MSRA: variants seen among roughly 807,000 people sequenced by gnomAD.
MSRA encodes the protein methionine sulfoxide reductase A, also known as mitochondrial peptide methionine sulfoxide reductase.
A neutral mutation model predicts 31.3 loss-of-function variants in MSRA; 54 were observed. The ratio of observed to expected loss-of-function variants is 1.73; its 90% confidence interval spans 1.39 to 2.17. MSRA has a LOEUF of 2.17. Among genes scored for constraint, MSRA ranks in the 30% most tolerant of loss-of-function variants. The probability of loss-of-function intolerance (pLI) is 0.00; values close to 1 mark genes in which losing one functional copy is unlikely to be tolerated. For missense variants in MSRA, 507 were observed against 300.9 expected, an observed-to-expected ratio of 1.69 and a Z score of -5.07; for synonymous variants, 169 against 116.5, an observed-to-expected ratio of 1.45 and a Z score of -2.90.
At position 10,210,492 on chromosome 8, in the gene MSRA, C is replaced by A. The variant is rs146176936; in HGVS notation, c.211+2591C>A. Among the ~76,000 whole-genome samples the A allele has an allele frequency of 7.9e-5, 12 of 152,298 alleles. No individual in the cohort carries two copies. The East Asian group carries it at 2.3e-3, about 29-fold the overall frequency. ...TACTTGCATGCCTTCCCGGAGTGCT[C>A]TGAAGGAGTCTTGAGAAGTAGCCTT... On this transcript the variant is annotated intron_variant, in intron 2 of 5. Coordinates refer to ENST00000317173, the MANE Select transcript of MSRA (RefSeq NM_012331.5).
At chr8:10,198,429 A>G (rs914408495) in intron 1 of MSRA, among the ~76,000 whole-genome samples, 11 of 152,124 alleles carry the variant, frequency 7.2e-5, no homozygotes, top group Non-Finnish European at 1.6e-4. Flanking sequence ...ACCATATAAT[A>G]CTGTATCTTA....
At chr8:10,298,287 G>A (rs1800651274) in intron 3 of MSRA, among the ~76,000 whole-genome samples, 1 of 152,166 alleles carries the variant, frequency 6.6e-6, no homozygotes, top group South Asian at 2.1e-4. Context: ...ATATTATTCA[G>A]CCCTAAAAAG....
chr8:10,263,151 G>A (rs568655279), intron 3 of MSRA, among the ~76,000 whole-genome samples: 1 of 152,196 alleles, frequency 6.6e-6, no homozygotes, highest in Non-Finnish European at 1.5e-5. Context: ...TATAAAACCA[G>A]CATTAGGTTG....
chr8:10,057,743 C>CT (rs1300270327), intron 1 of MSRA, among the ~76,000 whole-genome samples: 1 of 152,132 alleles, frequency 6.6e-6, no homozygotes, highest in Non-Finnish European at 1.5e-5. Context: ...TCTCCTGCTC[C>CT]TTTGTGTGGA....
intron 3 of MSRA, among the ~76,000 whole-genome samples, chr8:10,249,606 C>G (rs1349209947): frequency 6.6e-6 from 1 of 152,196 alleles, no homozygotes; most frequent in Non-Finnish European, 1.5e-5. Flanking sequence ...GGCCTGAATT[C>G]TAACCCCTCT....
At chr8:10,075,971 G>A (rs1427954074) in intron 1 of MSRA, among the ~76,000 whole-genome samples, 13 of 152,104 alleles carry the variant, frequency 8.5e-5, no homozygotes, top group South Asian at 4.1e-4. Flanking sequence ...GATGTCTGCC[G>A]CCTCAGTATA....
At chr8:10,209,783 C>T (rs1809315448) in intron 2 of MSRA, among the ~76,000 whole-genome samples, 1 of 152,156 alleles carries the variant, frequency 6.6e-6, no homozygotes, top group African/African-American at 2.4e-5. Context: ...AGGGGGCAGC[C>T]CCTGGGAGGC....
At chr8:10,357,030 C>T (rs1292373172) in intron 5 of MSRA, among the ~76,000 whole-genome samples, 3 of 151,834 alleles carry the variant, frequency 2.0e-5, no homozygotes, top group African/African-American at 7.3e-5. Flanking sequence ...GTTCCTCTGT[C>T]TTTTGTATTT....
At chr8:10,066,618 C>T (rs182565699) in intron 1 of MSRA, among the ~76,000 whole-genome samples, 69 of 152,348 alleles carry the variant, frequency 4.5e-4, no homozygotes, top group African/African-American at 1.7e-3. Flanking sequence ...ACTGCAACCT[C>T]TGCCTCCCAG....
At chr8:10,142,103 C>A (rs1170299410) in intron 1 of MSRA, among the ~76,000 whole-genome samples, 1 of 152,178 alleles carries the variant, frequency 6.6e-6, no homozygotes, top group Non-Finnish European at 1.5e-5. Flanking sequence ...GGATTACAGG[C>A]CTTTGCCACC....
chr8:10,235,821 A>AG (rs1288889785), intron 2 of MSRA, among the ~76,000 whole-genome samples: 1 of 152,188 alleles, frequency 6.6e-6, no homozygotes, highest in African/African-American at 2.4e-5. Context: ...AGGCCAGTAT[A>AG]ACCTTGATAC....
At chr8:10,269,075 C>T (rs900800107) in intron 3 of MSRA, among the ~76,000 whole-genome samples, 1 of 152,194 alleles carries the variant, frequency 6.6e-6, no homozygotes, top group African/African-American at 2.4e-5. Context: ...TTCTCCAACG[C>T]CTTTATTGGC....
chr8:10,203,765 G>A (rs991564870), intron 1 of MSRA, among the ~76,000 whole-genome samples: 1 of 152,194 alleles, frequency 6.6e-6, no homozygotes, highest in African/African-American at 2.4e-5. Flanking sequence ...CCTGAGGCAG[G>A]TACTTCAGGA....
intron 1 of MSRA, among the ~76,000 whole-genome samples, chr8:10,114,836 T>A (rs1020928493): frequency 2.6e-5 from 4 of 152,200 alleles, no homozygotes; most frequent in African/African-American, 7.2e-5. Flanking sequence ...AAATGTAATA[T>A]AATTCTAGCA....
At chr8:10,055,171 G>GAA (rs33918720) in intron 1 of MSRA, among the ~76,000 whole-genome samples, 2 of 216 alleles carry the variant, frequency 9.3e-3, no homozygotes, top group South Asian at 0.5. Context: ...TGTTCTGGCT[G>GAA]AGTCACCCCT....
rs1343958419 is a variant in MSRA at position 10,285,633 on chromosome 8, T to C, written c.332-15901T>C. ...TATTTTGTACCTGTTAACCAGTCTC[T>C]CCCTATATCCCCTTCCCCCCACTCC... On this transcript the variant is annotated intron_variant, in intron 3 of 5. Transcript: ENST00000317173. Among the ~76,000 whole-genome samples, 3 of 152,000 alleles carry C rather than the reference T, an allele frequency of 2.0e-5. No individual in the cohort carries two copies. In the East Asian group the frequency reaches 5.8e-4, roughly 29 times the overall value.
chr8:10,396,390 C>T (rs111992314), intron 5 of MSRA, among the ~76,000 whole-genome samples: 78 of 152,200 alleles, frequency 5.1e-4, no homozygotes, highest in Middle Eastern at 3.4e-3. Context: ...TGGGGGGCTT[C>T]GGTATGATAA....
chr8:10,362,620 C>T (rs1804917167), intron 5 of MSRA, among the ~76,000 whole-genome samples: 1 of 152,008 alleles, frequency 6.6e-6, no homozygotes. Flanking sequence ...CCCCTAGAGT[C>T]CAGGGTCCAC....
intron 1 of MSRA, among the ~76,000 whole-genome samples, chr8:10,177,134 A>G (rs955140088): frequency 2.6e-5 from 4 of 152,204 alleles, no homozygotes; most frequent in African/African-American, 7.2e-5. Flanking sequence ...TGGTAGATGT[A>G]TTGAGTAGTA....
Sources: allele counts gnomAD v4.1 joint callset (sites outside exome capture counted in the v4.1 genomes callset), GRCh38; gene constraint gnomAD v4.1.1; transcripts MANE v1.5; gene names NCBI Gene and HGNC (gene_info 2026-07-23, HGNC 2026-07-21).